The following LHFPL3 variants were observed in gnomAD, a reference collection of about 807,000 sequenced individuals.
The protein encoded by LHFPL3 is LHFPL tetraspan subfamily member 3, also known as LHFPL tetraspan subfamily member 3 protein.
LHFPL3 carries 5 observed loss-of-function variants against 19.3 expected under a neutral mutation model. The observed-to-expected ratio is 0.26, with a 90% CI of 0.14 to 0.54. LHFPL3 has a LOEUF of 0.54. Ranked by LOEUF, LHFPL3 falls within the 20% of genes least tolerant of loss-of-function variation. The pLI is 0.94. For missense variants in LHFPL3, 249 were observed against 307.4 expected, an observed-to-expected ratio of 0.81 and a Z score of 1.42; for synonymous variants, 133 against 126.2, an observed-to-expected ratio of 1.05 and a Z score of -0.36.
chr7:104,412,481 C>T (rs905454288), intron 1 of LHFPL3, among the ~76,000 whole-genome samples: 1 of 151,894 alleles, frequency 6.6e-6, no homozygotes, highest in Non-Finnish European at 1.5e-5. Context: ...CAACACAAAG[C>T]ACCAGATAGT....
chr7:104,420,111 G>C (rs1791697645), intron 1 of LHFPL3, among the ~76,000 whole-genome samples: 1 of 152,198 alleles, frequency 6.6e-6, no homozygotes, highest in Non-Finnish European at 1.5e-5. Flanking sequence ...CACCTGCCTA[G>C]ATTGGCCAAG....
intron 2 of LHFPL3, among the ~76,000 whole-genome samples, chr7:104,744,445 T>G (rs537056139): frequency 6.6e-6 from 1 of 152,354 alleles, no homozygotes; most frequent in South Asian, 2.1e-4. Context: ...AAAGTCCTTG[T>G]GGTCATCAAA....
intron 1 of LHFPL3, among the ~76,000 whole-genome samples, chr7:104,547,252 A>AT (rs1176606458): frequency 2.0e-5 from 3 of 149,918 alleles, no homozygotes; most frequent in African/African-American, 7.4e-5. Context: ...CAAAAAAAAA[A>AT]AAAAAAAAAA....
chr7:104,365,787 C>CCAAAAA (rs1554381840), intron 1 of LHFPL3, among the ~76,000 whole-genome samples: 1 of 49,974 alleles, frequency 2.0e-5, no homozygotes. Flanking sequence ...GACTCCGTCT[C>CCAAAAA]AAAAAAAAAA....
At chr7:104,599,364 T>C (rs755637661) in intron 1 of LHFPL3, among the ~76,000 whole-genome samples, 2 of 152,220 alleles carry the variant, frequency 1.3e-5, no homozygotes, top group Non-Finnish European at 2.9e-5. Context: ...ATTTTGGAAA[T>C]AACATTTTCT....
chr7:104,391,558 A>G (rs1791069145), intron 1 of LHFPL3, among the ~76,000 whole-genome samples: 1 of 152,184 alleles, frequency 6.6e-6, no homozygotes, highest in Admixed American at 6.5e-5. Context: ...CTGTTTTGGT[A>G]CCAGTACCAT....
At chr7:104,861,011 A>T (rs1437669698) in intron 2 of LHFPL3, among the ~76,000 whole-genome samples, 1 of 152,216 alleles carries the variant, frequency 6.6e-6, no homozygotes, top group Non-Finnish European at 1.5e-5. Context: ...CCACTGTCGC[A>T]TGCAATTAGG....
chr7:104,586,384 C>T (rs1405791339), intron 1 of LHFPL3, among the ~76,000 whole-genome samples: 2 of 152,010 alleles, frequency 1.3e-5, no homozygotes, highest in Non-Finnish European at 2.9e-5. Flanking sequence ...GTTTCTTCTC[C>T]CTGATATCAT....
chr7:104,572,617 T>C (rs931717236), intron 1 of LHFPL3, among the ~76,000 whole-genome samples: 10 of 152,178 alleles, frequency 6.6e-5, no homozygotes, highest in Admixed American at 2.6e-4. Flanking sequence ...GTGTTGTATA[T>C]CTGCTTGATG....
intron 1 of LHFPL3, among the ~76,000 whole-genome samples, chr7:104,333,452 C>T (rs1801607753): frequency 6.6e-6 from 1 of 152,016 alleles, no homozygotes; most frequent in Non-Finnish European, 1.5e-5. Context: ...GTTGTACTCC[C>T]CAGATTCCTC....
chr7:104,451,487 G>T (rs945766516), intron 1 of LHFPL3, among the ~76,000 whole-genome samples: 4 of 152,042 alleles, frequency 2.6e-5, no homozygotes, highest in Non-Finnish European at 4.4e-5. Flanking sequence ...CTGCAATAGC[G>T]TTTTTTGGTT....
chr7:104,424,084 G>A (rs530592077), intron 1 of LHFPL3, among the ~76,000 whole-genome samples: 9 of 152,208 alleles, frequency 5.9e-5, no homozygotes, highest in South Asian at 4.2e-4. Context: ...TAGTGCTTTC[G>A]AAAGAAATTA....
At chr7:104,868,199 A>C (rs542017951) in intron 2 of LHFPL3, among the ~76,000 whole-genome samples, 2 of 152,228 alleles carry the variant, frequency 1.3e-5, no homozygotes, top group South Asian at 2.1e-4. Context: ...CACCACTCCT[A>C]TTCAACATAG....
chr7:104,783,606 T>C (rs1445225197), intron 2 of LHFPL3, among the ~76,000 whole-genome samples: 2 of 152,234 alleles, frequency 1.3e-5, no homozygotes, highest in Non-Finnish European at 2.9e-5. Context: ...GCTTTCATGC[T>C]TGCATAATAG....
intron 1 of LHFPL3, among the ~76,000 whole-genome samples, chr7:104,600,854 A>G (rs1384891148): frequency 6.6e-6 from 1 of 152,210 alleles, no homozygotes; most frequent in Non-Finnish European, 1.5e-5. Context: ...GATTTTGCAT[A>G]TTCGCATCAG....
At chr7:104,806,454 T>A (rs544680634) in intron 2 of LHFPL3, among the ~76,000 whole-genome samples, 11 of 152,336 alleles carry the variant, frequency 7.2e-5, no homozygotes, top group African/African-American at 2.6e-4. Context: ...GTTGTCTTCA[T>A]TACAAATAGG....
intron 1 of LHFPL3, among the ~76,000 whole-genome samples, chr7:104,347,101 C>T (rs1790084659): frequency 6.6e-6 from 1 of 151,712 alleles, no homozygotes. Flanking sequence ...ACACAGAAAA[C>T]ATTGATAAAC....
At chr7:104,559,657 C>T (rs945178810) in intron 1 of LHFPL3, among the ~76,000 whole-genome samples, 24 of 152,216 alleles carry the variant, frequency 1.6e-4, no homozygotes, top group African/African-American at 2.2e-4. Context: ...ATTTTCCTAA[C>T]TGAATACCCT....
chr7:104,464,614 C>T (rs1440134656), intron 1 of LHFPL3, among the ~76,000 whole-genome samples: 2 of 152,240 alleles, frequency 1.3e-5, no homozygotes, highest in Non-Finnish European at 2.9e-5. Flanking sequence ...GGACTAATAG[C>T]ATATGGAAGC....
Sources: gnomAD v4.1 joint callset for allele counts (sites outside exome capture counted in the v4.1 genomes callset) on GRCh38, gnomAD v4.1.1 for gene constraint, MANE v1.5 for transcripts, NCBI Gene and HGNC (gene_info 2026-07-23, HGNC 2026-07-21) for gene names.